Variants in TRIP11 observed in about 807,000 individuals in gnomAD.
TRIP11 encodes thyroid receptor-interacting protein 11.
TRIP11 carries 148 observed loss-of-function variants against 223.1 expected under a neutral mutation model. The observed-to-expected ratio is 0.66, with a 90% CI of 0.58 to 0.76. TRIP11 has a LOEUF of 0.76. Among genes scored for constraint, TRIP11 ranks in the 30% least tolerant of loss-of-function variants. TRIP11 has a pLI of 0.00. For synonymous variants in TRIP11, 762 were observed against 772.6 expected, an observed-to-expected ratio of 0.99 and a Z score of 0.23; for missense variants, 2,043 against 2,222.0, an observed-to-expected ratio of 0.92 and a Z score of 1.62.
At chr14:92,036,481 C>T (rs2057326499) in intron 1 of TRIP11, among the ~76,000 whole-genome samples, 1 of 152,088 alleles carries the variant, frequency 6.6e-6, no homozygotes, top group Non-Finnish European at 1.5e-5. Flanking sequence ...TAATAATTTG[C>T]CAAAAATCCC....
Position 92,025,399 on chromosome 14 carries a change from A to G in TRIP11, c.223T>C (p.Cys75Arg), listed in dbSNP as rs201567600. ...RSENERLKKL[C>R]TDLEEKHEAS... ...TCATGTTTCTCTTCTAGATCAGTACAAAGTTTCTTAAGCCTTTCATTCTAG... is the reference window on the plus strand; with the variant it reads ...TCATGTTTCTCTTCTAGATCAGTACGAAGTTTCTTAAGCCTTTCATTCTAG... Residue 75 changes from cysteine (C) to arginine (R), a missense_variant, in exon 3 of 21, where the codon TGT becomes CGT. Coordinates refer to ENST00000267622, the MANE Select transcript of TRIP11 (RefSeq NM_004239.4). 107 of 1,612,846 alleles carry G rather than the reference A, an allele frequency of 6.6e-5. No individual in the cohort carries two copies. Among genetic ancestry groups the G allele is most frequent in the Non-Finnish European group, 6.4e-5 (76 of 1,179,800 alleles).
Position 91,969,359 on chromosome 14 carries a change from A to G in TRIP11, c.*314T>C. 1 of 371,206 alleles carries G rather than the reference A, an allele frequency of 2.7e-6. No homozygotes were observed. 23.0% of individuals were successfully genotyped at this position (371,206 alleles called of 1,614,324 possible). On this transcript the variant is annotated 3_prime_UTR_variant, in exon 21 of 21. Coordinates refer to ENST00000267622, the MANE Select transcript of TRIP11 (RefSeq NM_004239.4). ...AATGAGCTTGGAAATCACAAAAGGA[A>G]ATAAAAAGCTGCCATATAGCTACTA...
chr14:92,030,054 G>A (rs1349925504), intron 2 of TRIP11, among the ~76,000 whole-genome samples: 10 of 151,788 alleles, frequency 6.6e-5, no homozygotes, highest in East Asian at 3.9e-4. Context: ...AATATTAGCC[G>A]GGCGTAGTGG....
chr14:92,017,593 T>C, intron 5 of TRIP11, 89 bp downstream of exon 5: 1 of 993,342 alleles, frequency 1.0e-6, no homozygotes, highest in South Asian at 1.4e-5. Flanking sequence ...ATGACTTTTA[T>C]AACTGAGACT....
intron 9 of TRIP11, among the ~76,000 whole-genome samples, chr14:92,008,621 T>C (rs2295168): frequency 0.019 from 2,849 of 152,340 alleles, 54 homozygotes; most frequent in South Asian, 0.082. Context: ...TCTCTAGTTA[T>C]GATGTTTGTA....
At chr14:92,011,882 T>A in intron 7 of TRIP11, 87 bp from the exon 8 acceptor site, 1 of 1,233,738 alleles carries the variant, frequency 8.1e-7, no homozygotes, top group Non-Finnish European at 1.2e-6. Context: ...GCAACCCAAT[T>A]AAAGTGTATA....
intron 10 of TRIP11, among the ~76,000 whole-genome samples, chr14:92,007,319 C>T (rs546671377): frequency 2.0e-5 from 3 of 152,194 alleles, no homozygotes; most frequent in South Asian, 2.1e-4. Context: ...CCACTGCGCC[C>T]GGCATGTTGT....
rs1364617054 is a variant in TRIP11 at position 92,005,729 on chromosome 14, T to C, written c.2247A>G (p.Ala749=). ...GTAAGGCAGAGGTATTCAAATTACGTGCATTTGACAGTTCTTCAATGGTTT... is the reference window on the plus strand; with the variant it reads ...GTAAGGCAGAGGTATTCAAATTACGCGCATTTGACAGTTCTTCAATGGTTT... The part of the protein sequence containing the change: ...YEKTIEELSN[A]RNLNTSALQL... Residue 749 remains alanine, a synonymous_variant, in exon 11 of 21, where the codon GCA becomes GCG. Coordinates refer to ENST00000267622, the MANE Select transcript of TRIP11 (RefSeq NM_004239.4). 3 of 1,614,060 alleles carry C rather than the reference T, an allele frequency of 1.9e-6. No homozygotes were observed. Among genetic ancestry groups the C allele is most frequent in the Non-Finnish European group, 2.5e-6 (3 of 1,180,018 alleles).
chr14:92,022,552 G>A (rs573065158), intron 3 of TRIP11, among the ~76,000 whole-genome samples: 33 of 152,212 alleles, frequency 2.2e-4, no homozygotes, highest in African/African-American at 7.9e-4. Flanking sequence ...ACTAAAGGCG[G>A]GTAAGTCATA....
chr14:91,977,422 G>C (rs1363903894), intron 16 of TRIP11, among the ~76,000 whole-genome samples: 1 of 152,058 alleles, frequency 6.6e-6, no homozygotes, highest in Non-Finnish European at 1.5e-5. Flanking sequence ...GTTAATTTTT[G>C]TGCATGGTGT....
Position 92,021,848 on chromosome 14 carries a change from C to T in TRIP11, c.313-17G>A. On this transcript the variant is annotated splice_polypyrimidine_tract_variant and intron_variant, in intron 3 of 20. Coordinates refer to ENST00000267622, the MANE Select transcript of TRIP11 (RefSeq NM_004239.4). ...GATTTCTACCTATATATTTATAATCCAAGTTTTAGAGAAGGTACTTTAAAA... is the reference window on the plus strand; with the variant it reads ...GATTTCTACCTATATATTTATAATCTAAGTTTTAGAGAAGGTACTTTAAAA... 1 of 1,611,588 alleles carries T rather than the reference C, an allele frequency of 6.2e-7. No individual in the cohort carries two copies. The highest frequency in any genetic ancestry group is 8.5e-7 in the Non-Finnish European group (1 of 1,179,756).
At chr14:91,990,746 A>G (rs1354625852) in intron 15 of TRIP11, among the ~76,000 whole-genome samples, 1 of 152,202 alleles carries the variant, frequency 6.6e-6, no homozygotes, top group East Asian at 1.9e-4. Flanking sequence ...TGAGGTCAAG[A>G]CAGGAGGACT....
At chr14:92,015,077 T>G (rs1180948435) in intron 6 of TRIP11, among the ~76,000 whole-genome samples, 1 of 152,088 alleles carries the variant, frequency 6.6e-6, no homozygotes, top group African/African-American at 2.4e-5. Context: ...CTAATTTTTG[T>G]ATTTTTAGTA....
chr14:92,038,324 G>A (rs942561248), intron 1 of TRIP11, among the ~76,000 whole-genome samples: 2 of 152,078 alleles, frequency 1.3e-5, no homozygotes, highest in African/African-American at 4.8e-5. Flanking sequence ...TAGGATACAA[G>A]GAGCGACCAG....
intron 2 of TRIP11, among the ~76,000 whole-genome samples, chr14:92,032,045 C>T (rs953029207): frequency 6.6e-6 from 1 of 152,124 alleles, no homozygotes; most frequent in Admixed American, 6.5e-5. Context: ...AGCCATCCTC[C>T]CACCTCCACC....
At position 92,039,859 on chromosome 14, in the gene TRIP11, C is replaced by G; in HGVS notation, c.-174G>C. ...CAGGTTCTGCCTAGAAACGCAGAGG[C>G]CTGGCCTGGAATTTTACCAGGGGCC... On this transcript the variant is annotated 5_prime_UTR_variant, in exon 1 of 21. Transcript: ENST00000267622. 7.2e-7 allele frequency: 1 copy of G among 1,387,438 alleles called. No individual in the cohort carries two copies. The highest frequency in any genetic ancestry group is 2.5e-5 in the East Asian group (1 of 39,824). The allele number at this position is 1,387,438 out of a possible 1,614,324, so 85.9% of individuals were successfully genotyped here. A position where few individuals can be genotyped will look rare whatever the true frequency, so the allele number is the denominator to read the frequency against.
In TRIP11 at chr14:91,995,569, C is replaced by A. The variant is rs888696650; in HGVS notation, c.4893-54G>T. On this transcript the variant is annotated intron_variant, in intron 13 of 20. Transcript: ENST00000267622. ...TGCTTCATCTATTTAGATACTTTAACAAGAAGAAGCCACCTTCCCTACATC... is the reference window on the plus strand; with the variant it reads ...TGCTTCATCTATTTAGATACTTTAAAAAGAAGAAGCCACCTTCCCTACATC... The A allele has an allele frequency of 6.2e-5, 98 of 1,578,702 alleles. 2 individuals are homozygous for A. In the Middle Eastern group the frequency reaches 1.2e-3, roughly 19 times the overall value.
intron 13 of TRIP11, 104 bp from the exon 14 acceptor site, chr14:91,995,619 CTTTTT>C: frequency 3.3e-6 from 3 of 913,416 alleles, no homozygotes; most frequent in African/African-American, 1.9e-5. Context: ...TATTTTATTT[CTTTTT>C]TTTTTTTTTG....
intron 14 of TRIP11, 113 bp downstream of exon 14, chr14:91,995,239 G>T: frequency 1.6e-6 from 2 of 1,284,582 alleles, no homozygotes; most frequent in Non-Finnish European, 2.2e-6. Context: ...CCCTCTACCA[G>T]TGGGTAACCT....
Sources: allele counts gnomAD v4.1 joint callset (sites outside exome capture counted in the v4.1 genomes callset), GRCh38; gene constraint gnomAD v4.1.1; transcripts MANE v1.5; gene names NCBI Gene and HGNC (gene_info 2026-07-23, HGNC 2026-07-21).